GABRB1: variants seen among roughly 807,000 people sequenced by gnomAD.
GABRB1 encodes the protein gamma-aminobutyric acid type A receptor subunit beta1.
GABRB1 carries 17 observed loss-of-function variants against 51.6 expected under a neutral mutation model. The observed-to-expected ratio is 0.33, with a 90% CI of 0.23 to 0.49. The LOEUF is 0.49. GABRB1 is among the 20% of genes least tolerant of loss of function. GABRB1 has a pLI of 0.99. For missense variants in GABRB1, 410 were observed against 600.6 expected, an observed-to-expected ratio of 0.68 and a Z score of 3.32; for synonymous variants, 247 against 218.9, an observed-to-expected ratio of 1.13 and a Z score of -1.14.
chr4:47,229,009 G>C (rs906324306), intron 4 of GABRB1, among the ~76,000 whole-genome samples: 1 of 152,062 alleles, frequency 6.6e-6, no homozygotes, highest in Admixed American at 6.6e-5. Flanking sequence ...CACTGTGCTG[G>C]GGCATTGGGT....
At chr4:47,222,096 T>C (rs1429005420) in intron 4 of GABRB1, among the ~76,000 whole-genome samples, 1 of 152,088 alleles carries the variant, frequency 6.6e-6, no homozygotes, top group Non-Finnish European at 1.5e-5. Flanking sequence ...TGTACATCTG[T>C]TTACGGTATG....
chr4:47,090,713 AG>A (rs1728256035), intron 3 of GABRB1, among the ~76,000 whole-genome samples: 2 of 152,202 alleles, frequency 1.3e-5, no homozygotes, highest in African/African-American at 4.8e-5. Context: ...ACTACATTAA[AG>A]GTGTGGACAT....
In GABRB1 at chr4:47,165,750, C is replaced by T. The variant is rs113305440; in HGVS notation, c.461+4281C>T. Among the ~76,000 whole-genome samples the T allele has an allele frequency of 5.1e-3, 777 of 152,192 alleles. 6 individuals are homozygous for T. The highest frequency in any genetic ancestry group is 8.3e-3 in the Admixed American group (127 of 15,280). On this transcript the variant is annotated intron_variant, in intron 4 of 8. Transcript: ENST00000295454. ...ACTGAGTTTCCAAAATTTCCAATTG[C>T]TCACTGAGCACCTGTATTTGGATTG...
At chr4:47,095,194 T>C (rs1482030340) in intron 3 of GABRB1, among the ~76,000 whole-genome samples, 2 of 151,818 alleles carry the variant, frequency 1.3e-5, no homozygotes, top group African/African-American at 4.8e-5. Flanking sequence ...ATTAATGCAA[T>C]TACTCATTTT....
intron 4 of GABRB1, among the ~76,000 whole-genome samples, chr4:47,172,576 G>T (rs1220324802): frequency 7.1e-6 from 1 of 139,994 alleles, no homozygotes; most frequent in African/African-American, 2.6e-5. Flanking sequence ...GCAGCTTTAT[G>T]TTTAATGAAG....
At chr4:47,222,456 G>A (rs1001666732) in intron 4 of GABRB1, among the ~76,000 whole-genome samples, 1 of 152,084 alleles carries the variant, frequency 6.6e-6, no homozygotes, top group Admixed American at 6.6e-5. Flanking sequence ...TAGTAAATAT[G>A]AAGCAATCAG....
intron 3 of GABRB1, 65 bp downstream of exon 3, chr4:47,032,549 T>C: frequency 6.7e-7 from 1 of 1,489,984 alleles, no homozygotes; most frequent in Admixed American, 1.7e-5. Flanking sequence ...CAGGTCCCTT[T>C]GCCCTCTGCG....
intron 5 of GABRB1, among the ~76,000 whole-genome samples, chr4:47,375,647 T>C (rs1382645263): frequency 6.6e-6 from 1 of 152,190 alleles, no homozygotes; most frequent in Non-Finnish European, 1.5e-5. Flanking sequence ...CTTGAGTCAT[T>C]ACAAGGGAAA....
chr4:47,178,144 A>G (rs1032559008), intron 4 of GABRB1, among the ~76,000 whole-genome samples: 2 of 152,220 alleles, frequency 1.3e-5, no homozygotes, highest in Admixed American at 6.5e-5. Flanking sequence ...TATGATCATC[A>G]TAGTACCAAA....
chr4:47,302,839 A>C (rs1031214197), intron 4 of GABRB1, among the ~76,000 whole-genome samples: 3 of 151,990 alleles, frequency 2.0e-5, no homozygotes, highest in Non-Finnish European at 4.4e-5. Flanking sequence ...TTCAGGTTCC[A>C]ATTTCAGGTT....
intron 4 of GABRB1, among the ~76,000 whole-genome samples, chr4:47,265,936 A>G (rs896581109): frequency 6.6e-6 from 1 of 152,230 alleles, no homozygotes; most frequent in Admixed American, 6.5e-5. Flanking sequence ...GCTGTGCAGA[A>G]GCTTTTTAGT....
chr4:47,368,074 G>T (rs1459292316), intron 5 of GABRB1, among the ~76,000 whole-genome samples: 1 of 152,210 alleles, frequency 6.6e-6, no homozygotes, highest in African/African-American at 2.4e-5. Flanking sequence ...AGCTCTGGGA[G>T]TGGGAACTCC....
chr4:47,199,884 C>A (rs1013687116), intron 4 of GABRB1, among the ~76,000 whole-genome samples: 27 of 152,112 alleles, frequency 1.8e-4, no homozygotes, highest in African/African-American at 6.5e-4. Context: ...TCAATATAAT[C>A]AAGCCCATTT....
chr4:47,231,498 G>T (rs544040208), intron 4 of GABRB1, among the ~76,000 whole-genome samples: 1 of 152,134 alleles, frequency 6.6e-6, no homozygotes. Flanking sequence ...TCACTTCCTT[G>T]TGGCTGTAAA....
chr4:47,170,503 C>T (rs1289474024), intron 4 of GABRB1, among the ~76,000 whole-genome samples: 1 of 151,928 alleles, frequency 6.6e-6, no homozygotes, highest in Admixed American at 6.6e-5. Flanking sequence ...TATTGATTAT[C>T]CACAGTGAAA....
intron 1 of GABRB1, 22 bp from the exon 2 acceptor site, chr4:47,031,892 G>T: frequency 6.2e-7 from 1 of 1,603,094 alleles, no homozygotes; most frequent in Non-Finnish European, 8.5e-7. Context: ...TTTTGAATAC[G>T]GTCCCTACTT....
chr4:47,400,192 A>T (rs1728328030), intron 5 of GABRB1, among the ~76,000 whole-genome samples: 1 of 152,140 alleles, frequency 6.6e-6, no homozygotes, highest in African/African-American at 2.4e-5. Flanking sequence ...AAGACATTTC[A>T]TATATTTAAA....
chr4:47,358,636 G>A (rs1578120556), intron 5 of GABRB1, among the ~76,000 whole-genome samples: 1 of 151,650 alleles, frequency 6.6e-6, no homozygotes, highest in East Asian at 1.9e-4. Flanking sequence ...TATTTGATTA[G>A]GATCCACACT....
intron 1 of GABRB1, among the ~76,000 whole-genome samples, chr4:47,008,045 G>C (rs911555147): frequency 2.6e-5 from 4 of 151,992 alleles, no homozygotes; most frequent in African/African-American, 9.7e-5. Context: ...TGGTGAGTGT[G>C]GTTGCTTGAA....
Sources: gnomAD v4.1 joint callset for allele counts (sites outside exome capture counted in the v4.1 genomes callset) on GRCh38, gnomAD v4.1.1 for gene constraint, MANE v1.5 for transcripts, NCBI Gene and HGNC (gene_info 2026-07-23, HGNC 2026-07-21) for gene names.